The following SPHKAP variants were observed in gnomAD, a reference collection of about 807,000 sequenced individuals.
SPHKAP encodes A-kinase anchor protein SPHKAP.
Under a neutral mutation model 137.5 loss-of-function variants are expected in SPHKAP, and 67 were observed. The ratio of observed to expected loss-of-function variants is 0.49; its 90% CI spans 0.40 to 0.60. The LOEUF (loss-of-function observed/expected upper bound fraction) is 0.60. Among genes scored for constraint, SPHKAP ranks in the 20% least tolerant of loss-of-function variants. The probability of loss-of-function intolerance (pLI) is 0.00; values close to 1 mark genes in which losing one functional copy is unlikely to be tolerated. For missense variants in SPHKAP, 2,097 were observed against 2,069.3 expected, an observed-to-expected ratio of 1.01 and a Z score of -0.26; for synonymous variants, 813 against 785.3, an observed-to-expected ratio of 1.04 and a Z score of -0.59.
intron 3 of SPHKAP, among the ~76,000 whole-genome samples, chr2:228,039,454 T>G (rs2106255627): frequency 6.6e-6 from 1 of 152,336 alleles, no homozygotes. Flanking sequence ...TTTTTAGTAT[T>G]ATGGGTTATT....
chr2:228,121,079 A>C (rs1310413060), intron 2 of SPHKAP, among the ~76,000 whole-genome samples: 1 of 152,230 alleles, frequency 6.6e-6, no homozygotes, highest in Non-Finnish European at 1.5e-5. Flanking sequence ...AAAGCCTTCC[A>C]TTGACTTTGG....
intron 7 of SPHKAP, among the ~76,000 whole-genome samples, chr2:227,998,059 T>G (rs1315583778): frequency 1.3e-5 from 2 of 152,192 alleles, no homozygotes; most frequent in Non-Finnish European, 2.9e-5. Context: ...CAGGCTGAAG[T>G]GCAGTAGCAT....
chr2:228,009,656 G>C (rs1379907504), intron 7 of SPHKAP, among the ~76,000 whole-genome samples: 1 of 152,112 alleles, frequency 6.6e-6, no homozygotes, highest in Non-Finnish European at 1.5e-5. Flanking sequence ...ACTAGATTTT[G>C]TTGTCTTTTC....
At position 228,151,022 on chromosome 2, in the gene SPHKAP, T is replaced by C. The variant is rs770981978; in HGVS notation, c.33-18937A>G. On this transcript the variant is annotated intron_variant, in intron 1 of 11. Coordinates refer to ENST00000392056, the MANE Select transcript of SPHKAP (RefSeq NM_001142644.2). ...TGTGTATACATGTGCCATGCTGGTGTGCTGCACCCATTAACTTGTCATTTA... is the reference window on the plus strand; with the variant it reads ...TGTGTATACATGTGCCATGCTGGTGCGCTGCACCCATTAACTTGTCATTTA... Among the ~76,000 whole-genome samples the C allele has an allele frequency of 2.0e-3, 311 of 152,012 alleles. 2 individuals carry two copies. The highest frequency in any genetic ancestry group is 3.5e-3 in the Admixed American group (53 of 15,252).
intron 3 of SPHKAP, among the ~76,000 whole-genome samples, chr2:228,030,543 C>CAAAAAAAA (rs1553615001): frequency 2.3e-4 from 18 of 78,692 alleles, no homozygotes; most frequent in Non-Finnish European, 2.4e-4. Context: ...CAACAAAAAA[C>CAAAAAAAA]AAAAAAAAAA....
intron 1 of SPHKAP, among the ~76,000 whole-genome samples, chr2:228,154,800 C>T (rs1700060883): frequency 6.8e-6 from 1 of 147,164 alleles, no homozygotes; most frequent in South Asian, 2.2e-4. Context: ...ACCTCGTGAT[C>T]TGCCCACCTC....
chr2:227,991,822 T>C (rs1210777067), intron 9 of SPHKAP: 30 of 487,400 alleles, frequency 6.2e-5, no homozygotes, highest in Non-Finnish European at 7.5e-5. Context: ...ATATGGTTAT[T>C]TGATCTGAAA....
chr2:228,116,044 T>A (rs1698699860), intron 2 of SPHKAP, among the ~76,000 whole-genome samples: 1 of 152,214 alleles, frequency 6.6e-6, no homozygotes, highest in African/African-American at 2.4e-5. Flanking sequence ...ACACTGAATC[T>A]GCTGTCACCT....
At chr2:228,049,450 T>A (rs6720722) in intron 3 of SPHKAP, among the ~76,000 whole-genome samples, 58,230 of 152,148 alleles carry the variant, frequency 0.38, 11,606 homozygotes, top group South Asian at 0.52. Flanking sequence ...TGTGAGACAT[T>A]GCTGCATTAT....
chr2:228,093,613 A>C (rs1697879986), intron 3 of SPHKAP, among the ~76,000 whole-genome samples: 1 of 152,040 alleles, frequency 6.6e-6, no homozygotes. Context: ...TAATCACAGC[A>C]CTTTGGGAGG....
chr2:228,094,683 C>G (rs1438722888), intron 3 of SPHKAP, among the ~76,000 whole-genome samples: 1 of 151,982 alleles, frequency 6.6e-6, no homozygotes, highest in Non-Finnish European at 1.5e-5. Context: ...ATATCCAGTT[C>G]AACTAAAAAG....
chr2:228,090,153 C>A (rs1422902345), intron 3 of SPHKAP, among the ~76,000 whole-genome samples: 7 of 152,146 alleles, frequency 4.6e-5, no homozygotes, highest in Non-Finnish European at 7.3e-5. Context: ...GGGGGCTGCA[C>A]CCTGCAAAGC....
At chr2:228,073,092 T>C (rs1697054213) in intron 3 of SPHKAP, among the ~76,000 whole-genome samples, 1 of 152,220 alleles carries the variant, frequency 6.6e-6, no homozygotes, top group South Asian at 2.1e-4. Context: ...AAAGAAACTT[T>C]GAAAACATCT....
chr2:228,003,657 A>G (rs535890459), intron 7 of SPHKAP, among the ~76,000 whole-genome samples: 167 of 152,238 alleles, frequency 1.1e-3, no homozygotes, highest in African/African-American at 3.8e-3. Context: ...CAAAGGGAAT[A>G]CTTCCAGTTT....
intron 7 of SPHKAP, among the ~76,000 whole-genome samples, chr2:228,000,568 A>T (rs1309166950): frequency 6.6e-6 from 1 of 152,132 alleles, no homozygotes; most frequent in Admixed American, 6.5e-5. Context: ...CAGTGAGCCA[A>T]GATGGCGCCA....
rs538511343 is a variant in SPHKAP, at chr2:228,077,205, T to C, written c.246+31627A>G. 5.3e-5 allele frequency among the ~76,000 whole-genome samples: 8 copies of C among 152,312 alleles called. 1 individual carries two copies. In the East Asian group the frequency reaches 1.2e-3, roughly 22 times the overall value. On this transcript the variant is annotated intron_variant, in intron 3 of 11. Transcript: ENST00000392056. ...TCATGGAGAACCTCTGCTAGGGCAG[T>C]GTGGAAGAGAAATGTGGGGTCAGAG...
chr2:228,163,907 T>G (rs1411595039), intron 1 of SPHKAP, among the ~76,000 whole-genome samples: 1 of 152,120 alleles, frequency 6.6e-6, no homozygotes, highest in Non-Finnish European at 1.5e-5. Flanking sequence ...AGCTGTCAAC[T>G]TGATTGGATT....
intron 1 of SPHKAP, among the ~76,000 whole-genome samples, chr2:228,166,260 T>A (rs1700420091): frequency 6.6e-6 from 1 of 152,244 alleles, no homozygotes; most frequent in South Asian, 2.1e-4. Flanking sequence ...TAATTCATTG[T>A]TTATTACATA....
In SPHKAP at chr2:228,016,496, A is replaced by G. The variant is rs1274040397; in HGVS notation, c.4358T>C (p.Leu1453Pro). ...PEPFLSKSSLLEEAEGHSNDK... is the reference protein window; with the variant it reads ...PEPFLSKSSLPEEAEGHSNDK... ...ATTCGAATGCCCTTCTGCTTCCTCT[A>G]GGAGGCTGCTTTTGGAAAGGAAGGG... The change falls in exon 7 of 12, where the codon CTA (leucine) becomes CCA (proline). Residue 1453 changes from leucine (L) to proline (P), a missense_variant. By Grantham distance (98) the Leu-to-Pro change is moderately conservative. Transcript: ENST00000392056. 6.2e-7 allele frequency: 1 copy of G among 1,613,894 alleles called. No homozygotes were observed. Among genetic ancestry groups the G allele is most frequent in the Non-Finnish European group, 8.5e-7 (1 of 1,179,938 alleles).
Sources: allele counts gnomAD v4.1 joint callset (sites outside exome capture counted in the v4.1 genomes callset), GRCh38; gene constraint gnomAD v4.1.1; transcripts MANE v1.5; gene names NCBI Gene and HGNC (gene_info 2026-07-23, HGNC 2026-07-21).